Variants in ZNF143 observed in about 807,000 individuals in gnomAD.
ZNF143 encodes the protein SPH-binding factor.
A neutral mutation model predicts 74.1 loss-of-function variants in ZNF143; 49 were observed. That is an observed-to-expected ratio of 0.66 (90% CI 0.53 to 0.84). The LOEUF is 0.84. Among genes scored for constraint, ZNF143 ranks in the 40% least tolerant of loss-of-function variants. The pLI, the probability that ZNF143 is intolerant of heterozygous loss-of-function variation, is 0.00. For missense variants in ZNF143, 637 were observed against 793.4 expected (o/e 0.80, Z 2.37); for synonymous variants, 304 against 282.8 (o/e 1.07, Z -0.75).
At chr11:9,480,405 T>C (rs1206393675) in intron 7 of ZNF143, among the ~76,000 whole-genome samples, 1 of 152,194 alleles carries the variant, frequency 6.6e-6, no homozygotes, top group Non-Finnish European at 1.5e-5. Flanking sequence ...GTAGTTTTTT[T>C]TTCATTCTTC....
At chr11:9,521,989 C>T (rs1848947074) in intron 14 of ZNF143, among the ~76,000 whole-genome samples, 2 of 150,630 alleles carry the variant, frequency 1.3e-5, no homozygotes, top group South Asian at 4.2e-4. Context: ...TCATTTGAGC[C>T]CAGGAGGCAG....
chr11:9,487,057 C>G (rs1847585849), intron 7 of ZNF143, among the ~76,000 whole-genome samples: 1 of 148,880 alleles, frequency 6.7e-6, no homozygotes, highest in African/African-American at 2.5e-5. Context: ...ACCTCCACCT[C>G]CCAGGTTCAA....
chr11:9,470,353 C>T (rs1381273185), intron 1 of ZNF143, among the ~76,000 whole-genome samples: 2 of 152,102 alleles, frequency 1.3e-5, no homozygotes, highest in Middle Eastern at 3.2e-3. Context: ...TACATAAATA[C>T]ATGTAATTTG....
chr11:9,524,434 T>C (rs80214173), intron 14 of ZNF143, among the ~76,000 whole-genome samples: 2,069 of 152,308 alleles, frequency 0.014, 48 homozygotes, highest in African/African-American at 0.048. Context: ...GTTTTTCTTA[T>C]AGAATTAGGG....
At chr11:9,526,175 C>G (rs1188716576) in intron 15 of ZNF143, among the ~76,000 whole-genome samples, 2 of 151,694 alleles carry the variant, frequency 1.3e-5, no homozygotes, top group African/African-American at 4.8e-5. Context: ...GGCAACATGA[C>G]GAAACCCCAT....
chr11:9,490,138 TG>T (rs1847714238), intron 7 of ZNF143, among the ~76,000 whole-genome samples: 1 of 152,116 alleles, frequency 6.6e-6, no homozygotes, highest in Admixed American at 6.6e-5. Context: ...GAGCTGTGAT[TG>T]TGCGACTGTA....
In ZNF143 at chr11:9,491,868, G is replaced by A. The variant is rs114023275; in HGVS notation, c.646-2778G>A. ...TAGTCTCGAACTCCTGATCTCAAAC[G>A]ATCTGCCTTCCTTGGCCTCCAAAAG... On this transcript the variant is annotated intron_variant, in intron 7 of 15. Coordinates refer to ENST00000396602, the MANE Select transcript of ZNF143 (RefSeq NM_003442.6). Among the ~76,000 whole-genome samples, 1,114 of 152,220 alleles carry A rather than the reference G, an allele frequency of 7.3e-3. 13 individuals are homozygous for A. The highest frequency in any genetic ancestry group is 0.025 in the African/African-American group (1,055 of 41,542).
chr11:9,504,934 A>G (rs1228959662), intron 11 of ZNF143, among the ~76,000 whole-genome samples: 2 of 117,610 alleles, frequency 1.7e-5, no homozygotes, highest in Non-Finnish European at 4.0e-5. Flanking sequence ...CGGCCTCCCA[A>G]AGTGCTGGGA....
intron 1 of ZNF143, among the ~76,000 whole-genome samples, chr11:9,462,384 C>A (rs760608982): frequency 6.6e-6 from 1 of 151,778 alleles, no homozygotes; most frequent in African/African-American, 2.4e-5. Context: ...CATAGGGAGA[C>A]GGCCCTCCCA....
chr11:9,501,484 TAGAG>T (rs914277381), intron 11 of ZNF143, among the ~76,000 whole-genome samples: 1 of 152,090 alleles, frequency 6.6e-6, no homozygotes, highest in Non-Finnish European at 1.5e-5. Context: ...GCATCAAACA[TAGAG>T]AGATAAGACA....
At chr11:9,483,433 A>C (rs540764861) in intron 7 of ZNF143, among the ~76,000 whole-genome samples, 1 of 148,986 alleles carries the variant, frequency 6.7e-6, no homozygotes, top group East Asian at 2.0e-4. Context: ...AGTAGCTGAG[A>C]CTGCAGGCAC....
chr11:9,500,297 G>C (rs891197873), intron 10 of ZNF143, among the ~76,000 whole-genome samples: 1 of 150,748 alleles, frequency 6.6e-6, no homozygotes, highest in Non-Finnish European at 1.5e-5. Flanking sequence ...TGTCCAGCAG[G>C]TATTTTTGAC....
intron 1 of ZNF143, among the ~76,000 whole-genome samples, chr11:9,467,209 C>A (rs1856286747): frequency 6.9e-6 from 1 of 144,942 alleles, no homozygotes; most frequent in Non-Finnish European, 1.5e-5. Flanking sequence ...GTGTAATACT[C>A]TTAAGTGAGG....
intron 15 of ZNF143, among the ~76,000 whole-genome samples, chr11:9,526,981 C>A (rs1230910292): frequency 6.6e-6 from 1 of 152,146 alleles, no homozygotes; most frequent in Non-Finnish European, 1.5e-5. Context: ...CCCATCACCA[C>A]GCCCAGCAAT....
chr11:9,475,484 TTG>T (rs1001474408), intron 5 of ZNF143, among the ~76,000 whole-genome samples: 7 of 151,770 alleles, frequency 4.6e-5, no homozygotes, highest in Non-Finnish European at 1.0e-4. Context: ...TCTTGCTATG[TTG>T]CTCAGGCTGG....
chr11:9,461,336 G>C (rs1014573588), intron 1 of ZNF143, among the ~76,000 whole-genome samples: 1 of 152,232 alleles, frequency 6.6e-6, no homozygotes. Flanking sequence ...TTGTCTCTGA[G>C]CGATGCGCCC....
rs144786729 is a variant in ZNF143 at position 9,516,007 on chromosome 11, AT to A, written c.1525-193del. ...CTCCAAAAATAATAATAATAAAAAA[AT>A]AATAAAAATATAAGAATTGTTAAAA... is the stretch of plus-strand genomic sequence containing the variant. On this transcript the variant is annotated intron_variant, in intron 13 of 15. Coordinates refer to ENST00000396602, the MANE Select transcript of ZNF143 (RefSeq NM_003442.6). Among the ~76,000 whole-genome samples the A allele has an allele frequency of 0.018, 2,812 of 152,236 alleles. 101 individuals are homozygous for A. Among genetic ancestry groups the A allele is most frequent in the African/African-American group, 0.064 (2,647 of 41,552 alleles).
intron 7 of ZNF143, among the ~76,000 whole-genome samples, chr11:9,488,348 T>G (rs1223918040): frequency 6.6e-6 from 1 of 152,246 alleles, no homozygotes; most frequent in Non-Finnish European, 1.5e-5. Context: ...TGGCTTTCAT[T>G]GTCTAGGCTT....
intron 1 of ZNF143, among the ~76,000 whole-genome samples, chr11:9,466,669 G>C (rs572668719): frequency 1.3e-5 from 2 of 152,114 alleles, no homozygotes; most frequent in South Asian, 4.2e-4. Flanking sequence ...TTGAACTCCT[G>C]GCCTCAAGCC....
Sources: gnomAD v4.1 joint callset for allele counts (sites outside exome capture counted in the v4.1 genomes callset) on GRCh38, gnomAD v4.1.1 for gene constraint, MANE v1.5 for transcripts, NCBI Gene and HGNC (gene_info 2026-07-23, HGNC 2026-07-21) for gene names.